The following ANXA10 variants were observed in gnomAD, a reference collection of about 807,000 sequenced individuals.
ANXA10 encodes annexin 14.
A neutral mutation model predicts 53.5 loss-of-function variants in ANXA10; 49 were observed. That is an observed-to-expected ratio of 0.92 (90% CI 0.73 to 1.16). ANXA10 has a LOEUF of 1.16. ANXA10 is among the 50% of genes most tolerant of loss of function. The pLI, the probability that ANXA10 is intolerant of heterozygous loss-of-function variation, is 0.00. For synonymous variants in ANXA10, 131 were observed against 128.9 expected (o/e 1.02, Z -0.11); for missense variants, 393 against 394.4 (o/e 1.00, Z 0.03).
At position 168,162,611 on chromosome 4, in the gene ANXA10, T is replaced by C; in HGVS notation, c.279T>C (p.Tyr93=). Residue 93 remains tyrosine, a synonymous_variant, in exon 4 of 12, where the codon TAT becomes TAC. Transcript: ENST00000359299. ...MAGLMYPPPL[Y]DAHELWHAMK... ...GCCTCATGTACCCACCACCACTGTA[T>C]GATGCTCATGAGCTCTGGCATGCCA... 1 of 1,613,924 alleles carries C rather than the reference T, an allele frequency of 6.2e-7. No homozygotes were observed. Among genetic ancestry groups the C allele is most frequent in the Non-Finnish European group, 8.5e-7 (1 of 1,179,872 alleles).
chr4:168,125,179 T>C (rs1731048719), intron 1 of ANXA10, among the ~76,000 whole-genome samples: 3 of 152,196 alleles, frequency 2.0e-5, no homozygotes. Context: ...AGCATTTAGT[T>C]CTGTCCAAAG....
chr4:168,123,185 C>G (rs1179619595), intron 1 of ANXA10, among the ~76,000 whole-genome samples: 1 of 152,132 alleles, frequency 6.6e-6, no homozygotes, highest in East Asian at 1.9e-4. Context: ...CTTCAAACTC[C>G]TAGCATGTTA....
intron 9 of ANXA10, among the ~76,000 whole-genome samples, chr4:168,181,394 A>T (rs983936403): frequency 2.0e-5 from 3 of 151,222 alleles, no homozygotes; most frequent in Non-Finnish European, 4.4e-5. Flanking sequence ...CCGTCTCAAA[A>T]AAAAAAAAAA....
At chr4:168,131,529 T>G (rs908085154) in intron 2 of ANXA10, among the ~76,000 whole-genome samples, 1 of 152,002 alleles carries the variant, frequency 6.6e-6, no homozygotes, top group African/African-American at 2.4e-5. Flanking sequence ...CCTCACTGGT[T>G]TTCTGTCTGC....
At chr4:168,113,173 A>G (rs1287656858) in intron 1 of ANXA10, 3 of 152,298 alleles carry the variant, frequency 2.0e-5, no homozygotes, top group Non-Finnish European at 4.4e-5. Flanking sequence ...GTGTGCTGCT[A>G]TAACACAATA....
intron 11 of ANXA10, among the ~76,000 whole-genome samples, chr4:168,187,033 C>T (rs1283850941): frequency 6.6e-6 from 1 of 151,972 alleles, no homozygotes; most frequent in Non-Finnish European, 1.5e-5. Flanking sequence ...ATTCTACATT[C>T]ATTTATAACA....
chr4:168,140,994 T>G (rs989649163), intron 3 of ANXA10, among the ~76,000 whole-genome samples: 7 of 152,208 alleles, frequency 4.6e-5, no homozygotes, highest in African/African-American at 9.6e-5. Flanking sequence ...CAAATCAGGT[T>G]AAATTTAGAC....
intron 2 of ANXA10, among the ~76,000 whole-genome samples, chr4:168,130,242 C>T (rs1390663588): frequency 6.6e-6 from 1 of 152,008 alleles, no homozygotes; most frequent in Non-Finnish European, 1.5e-5. Context: ...TGATTTTTCT[C>T]CTTTTTCCTG....
rs748462667 is a variant in ANXA10, at chr4:168,162,566, C to T, written c.234C>T (p.His78=). The change falls in exon 4 of 12, where the codon CAC becomes CAT. Residue 78 remains histidine, a synonymous_variant. Coordinates refer to ENST00000359299, the MANE Select transcript of ANXA10 (RefSeq NM_007193.5). The part of the protein sequence containing the change: ...IGDMREQLSD[H]FKDVMAGLMY... ...ATATGAGGGAGCAGCTTTCGGATCACTTCAAAGATGTGATGGCTGGCCTCA... is the reference window on the plus strand; with the variant it reads ...ATATGAGGGAGCAGCTTTCGGATCATTTCAAAGATGTGATGGCTGGCCTCA... 2.6e-5 allele frequency: 42 copies of T among 1,613,798 alleles called. 1 individual carries two copies. In the South Asian group the frequency reaches 4.4e-4, roughly 17 times the overall value.
chr4:168,172,879 T>C (rs1349498464), intron 6 of ANXA10, among the ~76,000 whole-genome samples: 2 of 149,366 alleles, frequency 1.3e-5, no homozygotes, highest in African/African-American at 4.9e-5. Flanking sequence ...AACCTCCACC[T>C]CCTGGGTTCA....
At chr4:168,165,199 T>C in intron 5 of ANXA10, 48 bp from the exon 6 acceptor site, 1 of 1,257,120 alleles carries the variant, frequency 8.0e-7, no homozygotes, top group Non-Finnish European at 1.1e-6. Context: ...AACACACTGA[T>C]ACATAGTTCT....
intron 6 of ANXA10, among the ~76,000 whole-genome samples, chr4:168,172,962 G>A (rs1452805109): frequency 6.6e-6 from 1 of 151,948 alleles, no homozygotes; most frequent in Non-Finnish European, 1.5e-5. Context: ...GCTAATTTTT[G>A]TATTTTTAGT....
intron 6 of ANXA10, among the ~76,000 whole-genome samples, chr4:168,173,788 T>C (rs1040960666): frequency 7.2e-5 from 11 of 152,206 alleles, no homozygotes; most frequent in African/African-American, 2.7e-4. Flanking sequence ...TGCTTTCCTC[T>C]GGTTGATCCC....
chr4:168,095,512 G>C (rs1028147668), intron 1 of ANXA10, among the ~76,000 whole-genome samples: 2 of 151,746 alleles, frequency 1.3e-5, no homozygotes, highest in East Asian at 3.9e-4. Flanking sequence ...CAAACATATA[G>C]AAATTATTAT....
At chr4:168,152,993 C>T (rs915802169) in intron 3 of ANXA10, among the ~76,000 whole-genome samples, 1 of 152,008 alleles carries the variant, frequency 6.6e-6, no homozygotes, top group Non-Finnish European at 1.5e-5. Context: ...CAGGTGCATG[C>T]CACCACACTC....
chr4:168,152,206 T>C (rs1731509591), intron 3 of ANXA10, among the ~76,000 whole-genome samples: 2 of 151,828 alleles, frequency 1.3e-5, no homozygotes, highest in Non-Finnish European at 2.9e-5. Flanking sequence ...GGAGATGGGG[T>C]GTAATTTTAA....
At chr4:168,139,402 T>A (rs1731290695) in intron 2 of ANXA10, 84 bp from the exon 3 acceptor site, 4 of 1,100,854 alleles carry the variant, frequency 3.6e-6, no homozygotes, top group Non-Finnish European at 5.4e-6. Flanking sequence ...AATGCGTGCA[T>A]ACTGGTTATG....
chr4:168,096,104 A>G (rs1730536565), intron 1 of ANXA10, among the ~76,000 whole-genome samples: 1 of 152,196 alleles, frequency 6.6e-6, no homozygotes. Flanking sequence ...ATCAGAAATG[A>G]ATTCAGGGCA....
intron 2 of ANXA10, among the ~76,000 whole-genome samples, chr4:168,136,811 C>G (rs1479664315): frequency 6.6e-6 from 1 of 152,210 alleles, no homozygotes; most frequent in Non-Finnish European, 1.5e-5. Flanking sequence ...TGTGGGGGCT[C>G]CAACCCCACA....
Sources: allele counts gnomAD v4.1 joint callset (sites outside exome capture counted in the v4.1 genomes callset), GRCh38; gene constraint gnomAD v4.1.1; transcripts MANE v1.5; gene names NCBI Gene and HGNC (gene_info 2026-07-23, HGNC 2026-07-21).